Variants in PCDHGA8 observed in about 807,000 individuals in gnomAD.
PCDHGA8 encodes protocadherin gamma-A8.
A neutral mutation model predicts 59.2 loss-of-function variants in PCDHGA8; 45 were observed. The observed-to-expected ratio is 0.76, with a 90% CI of 0.60 to 0.98. The LOEUF (loss-of-function observed/expected upper bound fraction) is 0.98. Ranked by LOEUF, PCDHGA8 falls within the 50% of genes least tolerant of loss-of-function variation. The probability of loss-of-function intolerance (pLI) is 0.00; values close to 1 mark genes in which losing one functional copy is unlikely to be tolerated. For synonymous variants in PCDHGA8, 531 were observed against 519.0 expected (o/e 1.02, Z -0.32); for missense variants, 1,257 against 1,196.2 (o/e 1.05, Z -0.75).
chr5:141,504,461 C>T (rs1485490028), intron 2 of PCDHGA8, among the ~76,000 whole-genome samples: 1 of 151,900 alleles, frequency 6.6e-6, no homozygotes, highest in Non-Finnish European at 1.5e-5. Flanking sequence ...GTGGGGCAGC[C>T]GCTGGGATGG....
intron 1 of PCDHGA8, among the ~76,000 whole-genome samples, chr5:141,434,452 G>T (rs2097695209): frequency 6.6e-6 from 1 of 152,334 alleles, no homozygotes; most frequent in African/African-American, 2.4e-5. Flanking sequence ...CTGGAAGGTA[G>T]TGGGTTTACC....
intron 1 of PCDHGA8, chr5:141,478,768 A>G: frequency 6.7e-7 from 1 of 1,501,046 alleles, no homozygotes; most frequent in African/African-American, 1.4e-5. Context: ...TACTTGACTC[A>G]TCTGTGGACC....
intron 1 of PCDHGA8, among the ~76,000 whole-genome samples, chr5:141,430,388 A>G (rs2097280501): frequency 6.6e-6 from 1 of 152,106 alleles, no homozygotes; most frequent in Non-Finnish European, 1.5e-5. Flanking sequence ...ATTGGGAAAA[A>G]AAAAAAAAGC....
chr5:141,409,862 G>A (rs1359567076), intron 1 of PCDHGA8: 19 of 1,612,352 alleles, frequency 1.2e-5, no homozygotes, highest in Non-Finnish European at 1.5e-5. Flanking sequence ...GTTGGTGGGA[G>A]ACCGCAATGA....
At chr5:141,479,862 C>T (rs2099508997) in intron 1 of PCDHGA8, among the ~76,000 whole-genome samples, 1 of 152,170 alleles carries the variant, frequency 6.6e-6, no homozygotes, top group Non-Finnish European at 1.5e-5. Flanking sequence ...GGCCTTTGCC[C>T]TGGAGAGAAC....
At chr5:141,479,823 G>A (rs1208437635) in intron 1 of PCDHGA8, among the ~76,000 whole-genome samples, 1 of 152,172 alleles carries the variant, frequency 6.6e-6, no homozygotes, top group Admixed American at 6.5e-5. Context: ...TACTATCCAA[G>A]GCATGGTATC....
chr5:141,501,290 TACACACACACACACACACAC>T (rs55762287), intron 2 of PCDHGA8, among the ~76,000 whole-genome samples: 1 of 136,162 alleles, frequency 7.3e-6, no homozygotes, highest in Non-Finnish European at 1.6e-5. Flanking sequence ...TATTCCCTTA[TACACACACACACACACACAC>T]ACACACACAC....
chr5:141,478,752 G>A (rs2099475483), intron 1 of PCDHGA8: 2 of 1,521,420 alleles, frequency 1.3e-6, no homozygotes, highest in South Asian at 1.3e-5. Context: ...CATTTCAGGG[G>A]GAAGATACTT....
At chr5:141,419,586 A>T (rs1440548961) in intron 1 of PCDHGA8, 1 of 1,611,696 alleles carries the variant, frequency 6.2e-7, no homozygotes, top group Non-Finnish European at 8.5e-7. Context: ...GCGCTCTTCG[A>T]CACAGTGCCG....
At position 141,487,030 on chromosome 5, in the gene PCDHGA8, T is replaced by C. The variant is rs773121109; in HGVS notation, c.2425-7777T>C. Reference sequence around the variant, plus strand: ...TGGAGGCCCCAGATCCCAGCCTGTTTGCAGTCTCTCGATATGCTGGGGAGG... The same window carrying C: ...TGGAGGCCCCAGATCCCAGCCTGTTCGCAGTCTCTCGATATGCTGGGGAGG... On this transcript the variant is annotated intron_variant, in intron 1 of 3. Coordinates refer to ENST00000398604, the MANE Select transcript of PCDHGA8 (RefSeq NM_032088.2). The surrounding 1 kb of genome is among the most constrained non-coding windows in gnomAD (Gnocchi z 5.0). 12 of 1,614,100 alleles carry C rather than the reference T, an allele frequency of 7.4e-6. No homozygotes were observed. Among genetic ancestry groups the C allele is most frequent in the Non-Finnish European group, 1.0e-5 (12 of 1,180,044 alleles).
intron 1 of PCDHGA8, chr5:141,400,720 T>G (rs2150871186): frequency 1.5e-6 from 1 of 669,356 alleles, no homozygotes; most frequent in Non-Finnish European, 2.5e-6. Context: ...CCTTATAGAT[T>G]TACAAAGTAG....
chr5:141,400,387 C>T, intron 1 of PCDHGA8: 2 of 1,614,068 alleles, frequency 1.2e-6, no homozygotes, highest in Non-Finnish European at 1.7e-6. Context: ...ATGTGTTGCA[C>T]ATACAGGAAA....
At chr5:141,495,492 G>C (rs1321150765) in intron 2 of PCDHGA8, among the ~76,000 whole-genome samples, 1 of 152,148 alleles carries the variant, frequency 6.6e-6, no homozygotes, top group Non-Finnish European at 1.5e-5. Flanking sequence ...CCTTTTTCTT[G>C]AGTTTCCGTC....
At position 141,490,346 on chromosome 5, in the gene PCDHGA8, T is replaced by G. The variant is rs1396321935; in HGVS notation, c.2425-4461T>G. 1.2e-6 allele frequency: 2 copies of G among 1,614,046 alleles called. No individual in the cohort carries two copies. Among genetic ancestry groups the G allele is most frequent in the African/African-American group, 2.7e-5 (2 of 74,900 alleles). ...GAGAGCACACCAGTGGGCACAGTAG[T>G]GGGGTTGTTTAATGTGCGAGACCGG... On this transcript the variant is annotated intron_variant, in intron 1 of 3. Coordinates refer to ENST00000398604, the MANE Select transcript of PCDHGA8 (RefSeq NM_032088.2). This position sits in a 1 kb window ranked among gnomAD's most constrained non-coding sequence, Gnocchi z 5.4.
chr5:141,399,054 G>T (rs76381401), intron 1 of PCDHGA8: 1 of 1,613,694 alleles, frequency 6.2e-7, no homozygotes, highest in South Asian at 1.1e-5. Context: ...AAGAGACCAA[G>T]GAATATTCAA....
intron 1 of PCDHGA8, chr5:141,407,978 A>ATCCGTCAGCCTCTGGCCTGGGAT (rs2095018425): frequency 2.7e-6 from 2 of 743,974 alleles, no homozygotes; most frequent in Non-Finnish European, 4.1e-6. Context: ...GACGCCGGGG[A>ATCCGTCAGCCTCTGGCCTGGGAT]TCCGTCAGCC....
At position 141,400,328 on chromosome 5, in the gene PCDHGA8, T is replaced by A. The variant is rs754904671; in HGVS notation, c.2424+5091T>A. ...GGTCTCTGTGTCAAGTCTGGACCTG[T>A]GGTTCCCCCCAACTACAGTCAGGGG... On this transcript the variant is annotated intron_variant, in intron 1 of 3. Coordinates refer to ENST00000398604, the MANE Select transcript of PCDHGA8 (RefSeq NM_032088.2). 80 of 1,613,976 alleles carry A rather than the reference T, an allele frequency of 5.0e-5. No homozygotes were observed. Among genetic ancestry groups the A allele is most frequent in the Non-Finnish European group, 6.4e-5 (76 of 1,179,916 alleles).
In PCDHGA8 at chr5:141,432,704, C is replaced by T; in HGVS notation, c.2424+37467C>T. ...GAGCCTCGTAGTGGCCGTCCAGGAC[C>T]ACGGCCAGCCCCCTCTCTCCGCCAC... is the stretch of plus-strand genomic sequence containing the variant. On this transcript the variant is annotated intron_variant, in intron 1 of 3. Coordinates refer to ENST00000398604, the MANE Select transcript of PCDHGA8 (RefSeq NM_032088.2). The surrounding 1 kb of genome is among the most constrained non-coding windows in gnomAD (Gnocchi z 6.0). The T allele has an allele frequency of 6.2e-7, 1 of 1,613,966 alleles. No homozygotes were observed. The highest frequency in any genetic ancestry group is 8.5e-7 in the Non-Finnish European group (1 of 1,179,976).
In PCDHGA8 at chr5:141,403,112, C is replaced by CT. The variant is rs765071462; in HGVS notation, c.2424+7876dup. The CT allele has an allele frequency of 3.1e-6, 5 of 1,614,074 alleles. No individual in the cohort carries two copies. In the South Asian group the frequency reaches 5.5e-5, roughly 18 times the overall value. On this transcript the variant is annotated intron_variant, in intron 1 of 3. Transcript: ENST00000398604. Reference sequence around the variant, plus strand: ...GGGCAACATCTCCAAGGACCTGGCTCTGGAGCCCCGGGAGCTGGCGGAGCG... The same window carrying CT: ...GGGCAACATCTCCAAGGACCTGGCTCTTGGAGCCCCGGGAGCTGGCGGAGCG...
Sources: allele counts gnomAD v4.1 joint callset (sites outside exome capture counted in the v4.1 genomes callset), GRCh38; gene constraint gnomAD v4.1.1; non-coding constraint Gnocchi (gnomAD v3.1); transcripts MANE v1.5; gene names NCBI Gene and HGNC (gene_info 2026-07-23, HGNC 2026-07-21).